Variants in MAF observed in about 807,000 individuals in gnomAD.
MAF encodes transcription factor Maf.
In MAF, 10 loss-of-function variants were observed where a neutral mutation model predicts 22.0. The ratio of observed to expected loss-of-function variants is 0.45; its 90% CI spans 0.28 to 0.77. The LOEUF is 0.77. MAF is among the 30% of genes least tolerant of loss of function. MAF has a pLI of 0.12. For synonymous variants in MAF, 337 were observed against 255.8 expected (o/e 1.32, Z -3.03); for missense variants, 544 against 548.4 (o/e 0.99, Z 0.08).
chr16:79,510,085 C>T, the MAF span, among the ~76,000 whole-genome samples: 7 of 152,150 alleles, frequency 4.6e-5, no homozygotes, highest in Non-Finnish European at 7.4e-5. Flanking sequence ...ACTAGCTCGG[C>T]GATTGCAGGA....
At chr16:79,577,765 G>T in the MAF span, among the ~76,000 whole-genome samples, 8 of 152,212 alleles carry the variant, frequency 5.3e-5, no homozygotes, top group South Asian at 4.1e-4. Context: ...AAAAATGAAA[G>T]TCTATCTATA....
chr16:79,272,404 CTG>C, the MAF span, among the ~76,000 whole-genome samples: 1 of 152,236 alleles, frequency 6.6e-6, no homozygotes, highest in Non-Finnish European at 1.5e-5. Context: ...TCGCCTGCTC[CTG>C]GGCTGCCAGC....
chr16:79,397,242 A>T, the MAF span, among the ~76,000 whole-genome samples: 1 of 152,132 alleles, frequency 6.6e-6, no homozygotes, highest in Non-Finnish European at 1.5e-5. Flanking sequence ...ACATGCACTG[A>T]GTCTTTACCG....
At chr16:79,344,623 G>C in the MAF span, among the ~76,000 whole-genome samples, 1 of 152,128 alleles carries the variant, frequency 6.6e-6, no homozygotes, top group African/African-American at 2.4e-5. Context: ...TATATAATAA[G>C]TATCCCAGAT....
the MAF span, among the ~76,000 whole-genome samples, chr16:79,484,357 G>A: frequency 1.3e-5 from 2 of 152,190 alleles, no homozygotes; most frequent in Non-Finnish European, 2.9e-5. Context: ...AGGAACCAGA[G>A]GGCTCAAGTG....
At chr16:79,440,270 A>G in the MAF span, among the ~76,000 whole-genome samples, 31 of 152,256 alleles carry the variant, frequency 2.0e-4, no homozygotes, top group African/African-American at 7.0e-4. Flanking sequence ...CTTGAAGCAC[A>G]CACCATATTC....
chr16:79,548,063 G>A, the MAF span, among the ~76,000 whole-genome samples: 361 of 152,218 alleles, frequency 2.4e-3, 6 homozygotes, highest in East Asian at 0.044. Flanking sequence ...AACATATCAT[G>A]GTTTGATATA....
the MAF span, among the ~76,000 whole-genome samples, chr16:79,208,369 A>ATGAT: frequency 2.3e-5 from 3 of 129,142 alleles, no homozygotes; most frequent in East Asian, 4.0e-4. Flanking sequence ...CTTCTGATAA[A>ATGAT]TGATTGATTC....
chr16:79,217,317 C>G, the MAF span, among the ~76,000 whole-genome samples: 1 of 152,204 alleles, frequency 6.6e-6, no homozygotes, highest in Admixed American at 6.5e-5. Flanking sequence ...CCACTACACA[C>G]TACTTTTATG....
the MAF span, among the ~76,000 whole-genome samples, chr16:79,455,020 C>T: frequency 5.9e-5 from 9 of 151,670 alleles, no homozygotes; most frequent in Non-Finnish European, 7.4e-5. Context: ...CACTTGGACC[C>T]GGGAGGTGGA....
At chr16:79,448,431 T>C in the MAF span, among the ~76,000 whole-genome samples, 1 of 151,920 alleles carries the variant, frequency 6.6e-6, no homozygotes, top group African/African-American at 2.4e-5. Context: ...TATTTGTTTT[T>C]GTTTTTGTTT....
the MAF span, among the ~76,000 whole-genome samples, chr16:79,464,822 C>A: frequency 6.6e-6 from 1 of 152,004 alleles, no homozygotes; most frequent in African/African-American, 2.4e-5. Flanking sequence ...CAGCAGATGG[C>A]GAATATGACA....
chr16:79,473,122 C>G, the MAF span, among the ~76,000 whole-genome samples: 49 of 152,188 alleles, frequency 3.2e-4, no homozygotes, highest in Non-Finnish European at 6.5e-4. Context: ...TGTCGATGGC[C>G]ATCTGGTCGT....
the MAF span, among the ~76,000 whole-genome samples, chr16:79,250,282 A>T: frequency 2.6e-5 from 4 of 152,224 alleles, no homozygotes; most frequent in African/African-American, 9.6e-5. Context: ...CCATCCAAAC[A>T]AAAGAGGACT....
At chr16:79,597,205 A>G in intron 1 of MAF, 3 of 1,053,138 alleles carry the variant, frequency 2.8e-6, no homozygotes, top group Non-Finnish European at 3.4e-6. Flanking sequence ...TAAAAAATCT[A>G]CAGCTAAACA....
At chr16:79,320,533 C>G in the MAF span, among the ~76,000 whole-genome samples, 1 of 152,150 alleles carries the variant, frequency 6.6e-6, no homozygotes, top group Non-Finnish European at 1.5e-5. Flanking sequence ...TCCTGGTACT[C>G]CCCCAATCTA....
chr16:79,416,584 G>A, the MAF span, among the ~76,000 whole-genome samples: 8 of 151,998 alleles, frequency 5.3e-5, no homozygotes, highest in African/African-American at 1.9e-4. Flanking sequence ...TATCCAGGAG[G>A]GAGTGGCCGT....
At chr16:79,367,977 T>A in the MAF span, among the ~76,000 whole-genome samples, 3,344 of 152,320 alleles carry the variant, frequency 0.022, 67 homozygotes, top group Middle Eastern at 0.054. Flanking sequence ...TCTGGGATGC[T>A]CTACGTCATC....
chr16:79,221,211 A>G, the MAF span, among the ~76,000 whole-genome samples: 2 of 152,180 alleles, frequency 1.3e-5, no homozygotes, highest in African/African-American at 4.8e-5. Flanking sequence ...GTTCCGGGGA[A>G]TTTTACCTGG....
Sources: allele counts gnomAD v4.1 joint callset (sites outside exome capture counted in the v4.1 genomes callset), GRCh38; gene constraint gnomAD v4.1.1; transcripts MANE v1.5; gene names NCBI Gene and HGNC (gene_info 2026-07-23, HGNC 2026-07-21).